The following NR2C2 variants were observed in gnomAD, a reference collection of about 807,000 sequenced individuals.
NR2C2 encodes the protein Nuclear hormone receptor TR4.
Under a neutral mutation model 62.9 loss-of-function variants are expected in NR2C2, and 6 were observed. The ratio of observed to expected loss-of-function variants is 0.10; its 90% CI spans 0.05 to 0.19. The LOEUF (loss-of-function observed/expected upper bound fraction) is 0.19. NR2C2 is among the 10% of genes least tolerant of loss of function. The pLI, the probability that NR2C2 is intolerant of heterozygous loss-of-function variation, is 1.00. For synonymous variants in NR2C2, 272 were observed against 273.8 expected (o/e 0.99, Z 0.07); for missense variants, 479 against 762.7 (o/e 0.63, Z 4.38).
chr3:14,963,659 A>T (rs1421648306), intron 1 of NR2C2, among the ~76,000 whole-genome samples: 1 of 151,974 alleles, frequency 6.6e-6, no homozygotes, highest in Non-Finnish European at 1.5e-5. Context: ...TTTAGTAGAG[A>T]TGGGGTTTCA....
At chr3:15,032,235 G>T in intron 9 of NR2C2, 144 bp from the exon 10 acceptor site, 1 of 1,108,430 alleles carries the variant, frequency 9.0e-7, no homozygotes, top group Non-Finnish European at 1.3e-6. Flanking sequence ...GTCCGTGCAA[G>T]CCCCCCGACT....
intron 9 of NR2C2, among the ~76,000 whole-genome samples, chr3:15,030,801 C>T (rs1250649189): frequency 6.6e-6 from 1 of 152,144 alleles, no homozygotes; most frequent in African/African-American, 2.4e-5. Context: ...GCACTCCAGC[C>T]TGGGCAACGA....
At chr3:14,955,422 C>T (rs1300105153) in intron 1 of NR2C2, among the ~76,000 whole-genome samples, 1 of 151,842 alleles carries the variant, frequency 6.6e-6, no homozygotes, top group Non-Finnish European at 1.5e-5. Context: ...TTAGATAATT[C>T]TTTCCTGTCA....
chr3:14,959,743 G>C (rs1242787305), intron 1 of NR2C2: 1 of 152,174 alleles, frequency 6.6e-6, no homozygotes, highest in East Asian at 1.9e-4. Context: ...AACAAGGTGG[G>C]GGGCACTTGT....
intron 4 of NR2C2, among the ~76,000 whole-genome samples, chr3:15,018,965 A>G (rs1436048045): frequency 1.3e-5 from 2 of 150,180 alleles, no homozygotes; most frequent in Non-Finnish European, 3.0e-5. Context: ...CAGTAAGCCA[A>G]GATCGCACCA....
intron 1 of NR2C2, among the ~76,000 whole-genome samples, chr3:14,949,738 C>T (rs1187781285): frequency 6.6e-6 from 1 of 151,996 alleles, no homozygotes; most frequent in Non-Finnish European, 1.5e-5. Flanking sequence ...AGACACTGGT[C>T]CTCAAACATG....
intron 1 of NR2C2, among the ~76,000 whole-genome samples, chr3:14,951,474 A>G (rs1353971211): frequency 6.6e-6 from 1 of 152,208 alleles, no homozygotes; most frequent in East Asian, 1.9e-4. Context: ...AAAAATAATA[A>G]TAGTTTAACT....
chr3:14,961,666 T>C (rs1422463260), intron 1 of NR2C2, among the ~76,000 whole-genome samples: 4 of 152,174 alleles, frequency 2.6e-5, no homozygotes, highest in Non-Finnish European at 5.9e-5. Flanking sequence ...TACTCAAATG[T>C]CTTGACCCAG....
At position 15,045,202 on chromosome 3, in the gene NR2C2, T is replaced by G. The variant is rs1017845797; in HGVS notation, c.*2194T>G. 4 of 152,308 alleles carry G rather than the reference T, an allele frequency of 2.6e-5. No individual in the cohort carries two copies. In the East Asian group the frequency reaches 5.8e-4, roughly 22 times the overall value. The allele number at this position is 152,308 out of a possible 1,614,324, so 9.4% of individuals were successfully genotyped here. ...CAGATTGTTGCCTGCCTTCCGTCGTTTTGATCCTTGAGAGTGACCATGAGG... is the reference window on the plus strand; with the variant it reads ...CAGATTGTTGCCTGCCTTCCGTCGTGTTGATCCTTGAGAGTGACCATGAGG... On this transcript the variant is annotated 3_prime_UTR_variant, in exon 14 of 14. Coordinates refer to ENST00000425241, the MANE Select transcript of NR2C2 (RefSeq NM_001291694.2).
Position 15,043,123 on chromosome 3 carries a change from G to C in NR2C2, c.*115G>C. On this transcript the variant is annotated 3_prime_UTR_variant, in exon 14 of 14. Coordinates refer to ENST00000425241, the MANE Select transcript of NR2C2 (RefSeq NM_001291694.2). ...TATTTCCATATGTTAGCCATTTCCT[G>C]TCTGGTTTCTCCTTATCTGTTAATC... is the stretch of plus-strand genomic sequence containing the variant. 1 of 979,864 alleles carries C rather than the reference G, an allele frequency of 1.0e-6. No individual in the cohort carries two copies. The allele number at this position is 979,864 out of a possible 1,614,324, so 60.7% of individuals were successfully genotyped here. A position where few individuals can be genotyped will look rare whatever the true frequency, so the allele number is the denominator to read the frequency against.
chr3:15,004,891 T>G (rs1207986026), intron 2 of NR2C2, among the ~76,000 whole-genome samples: 1 of 152,164 alleles, frequency 6.6e-6, no homozygotes, highest in Non-Finnish European at 1.5e-5. Flanking sequence ...ACCCCTTTCT[T>G]GCTTGCTTTC....
chr3:14,998,307 A>G (rs1333942859), intron 1 of NR2C2, among the ~76,000 whole-genome samples: 4 of 152,212 alleles, frequency 2.6e-5, no homozygotes, highest in African/African-American at 9.6e-5. Flanking sequence ...TATGGGTCAT[A>G]TGGCAACTCT....
At chr3:15,035,112 C>T (rs747016349) in intron 11 of NR2C2, among the ~76,000 whole-genome samples, 3 of 152,066 alleles carry the variant, frequency 2.0e-5, no homozygotes, top group African/African-American at 7.2e-5. Context: ...GGCAACATAA[C>T]GAGACCTTGT....
intron 1 of NR2C2, among the ~76,000 whole-genome samples, chr3:14,951,697 T>C (rs532836922): frequency 1.4e-3 from 208 of 152,260 alleles, no homozygotes; most frequent in African/African-American, 4.8e-3. Context: ...TTATAGAAAA[T>C]CCCTGTGCGT....
At chr3:15,041,808 G>A (rs998511547) in intron 13 of NR2C2, among the ~76,000 whole-genome samples, 4 of 152,108 alleles carry the variant, frequency 2.6e-5, no homozygotes, top group African/African-American at 9.7e-5. Context: ...AGTGAGCTGT[G>A]ATCACATCAC....
In NR2C2 at chr3:15,036,897, G is replaced by A. The variant is rs1458422817; in HGVS notation, c.1373-1103G>A. 2.0e-5 allele frequency among the ~76,000 whole-genome samples: 3 copies of A among 152,140 alleles called. No individual in the cohort carries two copies. The East Asian group carries it at 5.8e-4, about 29-fold the overall frequency. ...AGCACTTTGGGAGGCCGAGGCAGGT[G>A]GATAACTTGAGGTCAGGAGTTCAAG... is the stretch of plus-strand genomic sequence containing the variant. On this transcript the variant is annotated intron_variant, in intron 11 of 13. Transcript: ENST00000425241.
chr3:15,034,879 C>G, intron 11 of NR2C2, 70 bp downstream of exon 11: 1 of 1,443,318 alleles, frequency 6.9e-7, no homozygotes, highest in Non-Finnish European at 9.2e-7. Context: ...AGAGCCCAGC[C>G]CCCTGGTTGG....
intron 10 of NR2C2, among the ~76,000 whole-genome samples, chr3:15,034,041 C>T (rs139161803): frequency 6.6e-6 from 1 of 152,340 alleles, no homozygotes; most frequent in East Asian, 1.9e-4. Context: ...TTTCTCCGGC[C>T]TCCTGAAATC....
Position 15,043,943 on chromosome 3 carries a change from A to T in NR2C2, c.*935A>T, listed in dbSNP as rs996263071. On this transcript the variant is annotated 3_prime_UTR_variant, in exon 14 of 14. Coordinates refer to ENST00000425241, the MANE Select transcript of NR2C2 (RefSeq NM_001291694.2). Reference sequence around the variant, plus strand: ...GGCAGATGGAGCCTTGTGACCAAAAAGTGCAAGGTGGGCATTTTGAGCTCT... The same window carrying T: ...GGCAGATGGAGCCTTGTGACCAAAATGTGCAAGGTGGGCATTTTGAGCTCT... The T allele has an allele frequency of 3.3e-5, 5 of 152,230 alleles. No individual in the cohort carries two copies. Among genetic ancestry groups the T allele is most frequent in the African/African-American group, 1.2e-4 (5 of 41,468 alleles). 9.4% of individuals were successfully genotyped at this position (152,230 alleles called of 1,614,324 possible).
Sources: allele counts gnomAD v4.1 joint callset (sites outside exome capture counted in the v4.1 genomes callset), GRCh38; gene constraint gnomAD v4.1.1; transcripts MANE v1.5; gene names NCBI Gene and HGNC (gene_info 2026-07-23, HGNC 2026-07-21).